The following GLIS3 variants were observed in gnomAD, a reference collection of about 807,000 sequenced individuals.
GLIS3 encodes GLIS family zinc finger 3.
In GLIS3, 53 loss-of-function variants were observed where a neutral mutation model predicts 78.6. That is an observed-to-expected ratio of 0.67 (90% CI 0.54 to 0.85). GLIS3 has a LOEUF of 0.85. Ranked by LOEUF, GLIS3 falls within the 40% of genes least tolerant of loss-of-function variation. The pLI is 0.00. For synonymous variants in GLIS3, 684 were observed against 509.9 expected (o/e 1.34, Z -4.60); for missense variants, 1,703 against 1,231.1 (o/e 1.38, Z -5.74).
chr9:3,976,355 T>A (rs1421472366), intron 4 of GLIS3, among the ~76,000 whole-genome samples: 1 of 152,128 alleles, frequency 6.6e-6, no homozygotes, highest in African/African-American at 2.4e-5. Context: ...TTCCAAAATC[T>A]GTGTTACTGC....
chr9:4,269,351 G>A (rs576945620), intron 2 of GLIS3, among the ~76,000 whole-genome samples: 3 of 151,930 alleles, frequency 2.0e-5, no homozygotes, highest in South Asian at 2.1e-4. Flanking sequence ...CTTGATCTGC[G>A]CTTAAAACCT....
intron 4 of GLIS3, among the ~76,000 whole-genome samples, chr9:4,308,051 C>A (rs145091792): frequency 6.6e-6 from 1 of 152,290 alleles, no homozygotes; most frequent in African/African-American, 2.4e-5. Flanking sequence ...TGGGCTCTCA[C>A]AGAACACTGT....
At chr9:4,387,220 C>T in the GLIS3 span, among the ~76,000 whole-genome samples, 1 of 152,314 alleles carries the variant, frequency 6.6e-6, no homozygotes, top group African/African-American at 2.4e-5. Flanking sequence ...AAAGTCTTAG[C>T]ATGAGCAATT....
chr9:4,201,643 C>A (rs1268021539), intron 2 of GLIS3, among the ~76,000 whole-genome samples: 1 of 152,014 alleles, frequency 6.6e-6, no homozygotes, highest in African/African-American at 2.4e-5. Flanking sequence ...TAAAAAATAT[C>A]TACAACAAGA....
chr9:4,120,648 G>A (rs1570203), intron 3 of GLIS3, among the ~76,000 whole-genome samples: 88,648 of 151,980 alleles, frequency 0.58, 26,367 homozygotes, highest in East Asian at 0.86. Context: ...TAGTCCTATC[G>A]TATATGAGAC....
intron 2 of GLIS3, 174 bp downstream of exon 2, chr9:4,285,864 C>T: frequency 1.3e-6 from 1 of 751,394 alleles, no homozygotes; most frequent in Non-Finnish European, 2.3e-6. Context: ...GTGGTCCCCT[C>T]CAACACATAC....
chr9:4,196,702 T>C (rs1818885115), intron 2 of GLIS3, among the ~76,000 whole-genome samples: 1 of 151,982 alleles, frequency 6.6e-6, no homozygotes, highest in Non-Finnish European at 1.5e-5. Flanking sequence ...AGGAGCAAAC[T>C]CCAGACACGC....
At chr9:3,973,230 C>T (rs896710076) in intron 4 of GLIS3, among the ~76,000 whole-genome samples, 7 of 152,120 alleles carry the variant, frequency 4.6e-5, no homozygotes, top group South Asian at 2.1e-4. Flanking sequence ...ACAATATACA[C>T]GGAGTACTGC....
intron 7 of GLIS3, among the ~76,000 whole-genome samples, chr9:3,892,712 C>T (rs1024882460): frequency 6.6e-6 from 1 of 152,032 alleles, no homozygotes; most frequent in African/African-American, 2.4e-5. Flanking sequence ...GAGACATAAC[C>T]ACCTATGTTT....
chr9:4,265,044 C>T (rs938324241), intron 2 of GLIS3, among the ~76,000 whole-genome samples: 37 of 151,296 alleles, frequency 2.4e-4, no homozygotes, highest in Admixed American at 1.3e-3. Flanking sequence ...TGGTGGCGGG[C>T]GCCTGTATTC....
At chr9:4,064,320 G>A (rs1420024484) in intron 4 of GLIS3, among the ~76,000 whole-genome samples, 1 of 151,928 alleles carries the variant, frequency 6.6e-6, no homozygotes, top group Non-Finnish European at 1.5e-5. Flanking sequence ...TTAAGCTAAA[G>A]AAAACCTTCT....
chr9:4,081,554 A>T (rs1051568500), intron 4 of GLIS3, among the ~76,000 whole-genome samples: 4 of 152,178 alleles, frequency 2.6e-5, no homozygotes, highest in African/African-American at 9.6e-5. Context: ...CCTAAGGTGG[A>T]TGGAGCCTGG....
At chr9:4,043,273 T>TG (rs1824978589) in intron 4 of GLIS3, among the ~76,000 whole-genome samples, 1 of 152,222 alleles carries the variant, frequency 6.6e-6, no homozygotes, top group South Asian at 2.1e-4. Context: ...ATTAATTTTT[T>TG]TTTCAAGTAT....
At chr9:4,002,116 A>G (rs1308665033) in intron 4 of GLIS3, among the ~76,000 whole-genome samples, 2 of 152,234 alleles carry the variant, frequency 1.3e-5, no homozygotes, top group Admixed American at 1.3e-4. Flanking sequence ...GCCCAATTCA[A>G]CCACAAGGGT....
intron 4 of GLIS3, among the ~76,000 whole-genome samples, chr9:4,045,972 A>G (rs898453964): frequency 3.3e-5 from 5 of 152,176 alleles, no homozygotes; most frequent in Non-Finnish European, 7.4e-5. Flanking sequence ...TAAATGGTTT[A>G]TTAGGCTGCT....
At chr9:4,155,719 A>T (rs1835001200) in intron 2 of GLIS3, among the ~76,000 whole-genome samples, 1 of 152,194 alleles carries the variant, frequency 6.6e-6, no homozygotes, top group Non-Finnish European at 1.5e-5. Flanking sequence ...TTCTCCACTT[A>T]AGTGTGCATC....
At position 4,283,261 on chromosome 9, in the gene GLIS3, GTTT is replaced by G. The variant is rs369306104; in HGVS notation, c.388+2774_388+2776del. 2.7e-3 allele frequency among the ~76,000 whole-genome samples: 205 copies of G among 76,404 alleles called. 1 individual carries two copies. The highest frequency in any genetic ancestry group is 0.015 in the African/African-American group (185 of 12,634). The allele number at this position is 76,404 out of a possible 152,430, so 50.1% of individuals were successfully genotyped here. Reference sequence around the variant, plus strand: ...GGAGTCCTTACTGTGCTGTTTTTTTGTTTTTTTGTTTTTTTTTTTTTTGAGATA... The same window carrying G: ...GGAGTCCTTACTGTGCTGTTTTTTTGTTTTGTTTTTTTTTTTTTTGAGATA... On this transcript the variant is annotated intron_variant, in intron 2 of 10. Coordinates refer to ENST00000381971, the MANE Select transcript of GLIS3 (RefSeq NM_001042413.2).
chr9:4,199,568 T>TA (rs796611550), intron 2 of GLIS3, among the ~76,000 whole-genome samples: 2,573 of 144,780 alleles, frequency 0.018, 57 homozygotes, highest in African/African-American at 0.06. Flanking sequence ...AGGTAATACA[T>TA]AAAAAAAAAA....
chr9:4,125,563 A>G (rs1832508187), intron 3 of GLIS3, among the ~76,000 whole-genome samples, 171 bp downstream of exon 3: 1 of 152,172 alleles, frequency 6.6e-6, no homozygotes, highest in East Asian at 1.9e-4. Flanking sequence ...AAGATGGCAC[A>G]TACTTAGTTT....
Sources: allele counts gnomAD v4.1 joint callset (sites outside exome capture counted in the v4.1 genomes callset), GRCh38; gene constraint gnomAD v4.1.1; transcripts MANE v1.5; gene names NCBI Gene and HGNC (gene_info 2026-07-23, HGNC 2026-07-21).